The following ZPBP variants were observed in gnomAD, a reference collection of about 807,000 sequenced individuals.
ZPBP encodes the protein zona pellucida-binding protein 1.
ZPBP carries 26 observed loss-of-function variants against 44.8 expected under a neutral mutation model. That is an observed-to-expected ratio of 0.58 (90% confidence interval 0.43 to 0.81). The LOEUF is 0.81. Ranked by LOEUF, ZPBP falls within the 30% of genes least tolerant of loss-of-function variation. The probability of loss-of-function intolerance (pLI) is 0.00; values close to 1 mark genes in which losing one functional copy is unlikely to be tolerated. For missense variants in ZPBP, 409 were observed against 434.0 expected, an observed-to-expected ratio of 0.94 and a Z score of 0.51; for synonymous variants, 174 against 153.2, an observed-to-expected ratio of 1.14 and a Z score of -1.00.
intron 6 of ZPBP, among the ~76,000 whole-genome samples, chr7:50,010,526 A>T (rs1253102028): frequency 6.6e-6 from 1 of 152,162 alleles, no homozygotes; most frequent in Non-Finnish European, 1.5e-5. Context: ...AATCCAATGT[A>T]CACAAATCAG....
chr7:50,050,583 C>A (rs1218756410), intron 4 of ZPBP, among the ~76,000 whole-genome samples: 1 of 151,754 alleles, frequency 6.6e-6, no homozygotes, highest in Non-Finnish European at 1.5e-5. Flanking sequence ...CAACCTTAAA[C>A]CAAGCCTCAG....
intron 7 of ZPBP, among the ~76,000 whole-genome samples, chr7:49,951,555 T>TA (rs1562796474): frequency 7.9e-5 from 12 of 151,352 alleles, no homozygotes; most frequent in African/African-American, 2.9e-4. Context: ...TTTTTTTTTT[T>TA]TAAAAAGGAA....
At chr7:49,885,493 T>G (rs1466657698) in intron 2 of ZPBP, among the ~76,000 whole-genome samples, 1 of 151,660 alleles carries the variant, frequency 6.6e-6, no homozygotes, top group Admixed American at 6.6e-5. Flanking sequence ...AATTACATTC[T>G]GAAAAGGTAA....
rs977639034 is a variant in ZPBP, at chr7:50,093,139, G to T, written c.56C>A (p.Ala19Asp). 9 of 1,553,070 alleles carry T rather than the reference G, an allele frequency of 5.8e-6. No individual in the cohort carries two copies. Among genetic ancestry groups the T allele is most frequent in the Non-Finnish European group, 6.9e-6 (8 of 1,151,194 alleles). Residue 19 changes from alanine to aspartate, a missense_variant, in exon 1 of 8, where the codon GCC becomes GAC. Around this residue, in one of 2 missense-constraint regions of ZPBP, gnomAD observed 367 missense variants for 363.1 expected, o/e 1.01. Coordinates refer to ENST00000046087, the MANE Select transcript of ZPBP (RefSeq NM_007009.3). ...ARRGRRRTRA[A>D]GSLLSRAAIL... is the part of the protein sequence containing the mutation. ...GGCGGCCCGAGAGAGCAGGGAGCCG[G>T]CGGCCCGGGTCCGCCGCCTGCCCCG...
At position 50,031,215 on chromosome 7, in the gene ZPBP, G is replaced by A. The variant is rs1799591885; in HGVS notation, c.583C>T (p.Leu195Phe). ...IYNISFEKKL[L>F]QILSKLLLDL... The stretch of plus-strand genomic sequence containing the variant: ...AGAAGCAGTTTGCTTAAAATCTGAA[G>A]AAGTTTCTTCTCAAAAGAAATATTA... Residue 195 changes from leucine to phenylalanine, a missense_variant, in exon 5 of 8, where the codon CTT (leucine) becomes TTT (phenylalanine). Transcript: ENST00000046087. 6.2e-7 allele frequency: 1 copy of A among 1,613,278 alleles called. No individual in the cohort carries two copies. The highest frequency in any genetic ancestry group is 8.5e-7 in the Non-Finnish European group (1 of 1,179,804).
chr7:50,025,151 TAA>T (rs1268219364), intron 5 of ZPBP, among the ~76,000 whole-genome samples: 1 of 151,680 alleles, frequency 6.6e-6, no homozygotes, highest in African/African-American at 2.4e-5. Context: ...TCTAAGTAAA[TAA>T]AAAGATATTC....
chr7:49,895,189 C>T (rs546312254), intron 2 of ZPBP, among the ~76,000 whole-genome samples: 3 of 152,218 alleles, frequency 2.0e-5, no homozygotes, highest in Admixed American at 6.5e-5. Flanking sequence ...GCCATGGTAG[C>T]GTCCTCACAC....
In ZPBP at chr7:49,905,595, C is replaced by T. The variant is rs115144231; in HGVS notation, n.412-4380G>A. 3.2e-3 allele frequency among the ~76,000 whole-genome samples: 480 copies of T among 152,176 alleles called. 2 individuals carry two copies. The highest frequency in any genetic ancestry group is 0.01 in the African/African-American group (435 of 41,528). On this transcript the variant is annotated intron_variant and non_coding_transcript_variant, in intron 1 of 2. Coordinates refer to the ZPBP transcript ENST00000465922. ...TTGTACTTTGTGTGTTTGTAAACTA[C>T]AATACAATAGAAAACTCTACAATGA...
At chr7:49,937,829 T>G (rs542472489) in intron 7 of ZPBP, among the ~76,000 whole-genome samples, 15 of 152,200 alleles carry the variant, frequency 9.9e-5, no homozygotes, top group Non-Finnish European at 7.3e-5. Flanking sequence ...ACCACCATTC[T>G]ACCTTTGGTT....
At chr7:49,876,090 A>G (rs1791404603) in intron 2 of ZPBP, among the ~76,000 whole-genome samples, 1 of 152,176 alleles carries the variant, frequency 6.6e-6, no homozygotes, top group Admixed American at 6.5e-5. Flanking sequence ...TGAAGTTTGT[A>G]CTTCTGGAAG....
intron 4 of ZPBP, among the ~76,000 whole-genome samples, chr7:50,033,177 T>C (rs2128812814): frequency 6.6e-6 from 1 of 152,304 alleles, no homozygotes; most frequent in Non-Finnish European, 1.5e-5. Context: ...ACATTTGCCT[T>C]TCTCTCTGAT....
chr7:49,842,038 T>C, the ZPBP span, among the ~76,000 whole-genome samples: 1 of 152,152 alleles, frequency 6.6e-6, no homozygotes, highest in Admixed American at 6.5e-5. Context: ...AGCTAACTTT[T>C]TGTATTTTTA....
intron 3 of ZPBP, among the ~76,000 whole-genome samples, chr7:50,080,874 T>C (rs1287434016): frequency 6.6e-6 from 1 of 151,592 alleles, no homozygotes; most frequent in Non-Finnish European, 1.5e-5. Flanking sequence ...GATCTTTCTA[T>C]CCCCCATAAA....
intron 2 of ZPBP, among the ~76,000 whole-genome samples, chr7:49,896,769 T>C (rs1008918517): frequency 6.6e-6 from 1 of 151,726 alleles, no homozygotes; most frequent in Non-Finnish European, 1.5e-5. Context: ...TCTATGCACA[T>C]AAATTTAACA....
chr7:49,877,291 G>A (rs1583733800), intron 2 of ZPBP, among the ~76,000 whole-genome samples: 2 of 150,396 alleles, frequency 1.3e-5, no homozygotes, highest in East Asian at 4.0e-4. Context: ...GGGGAGCCCC[G>A]TGTCTACTAA....
Position 50,031,301 on chromosome 7 carries a change from T to C in ZPBP, c.497A>G (p.Glu166Gly), listed in dbSNP as rs1457416547. The C allele has an allele frequency of 6.2e-7, 1 of 1,609,560 alleles. No homozygotes were observed. Among genetic ancestry groups the C allele is most frequent in the South Asian group, 1.1e-5 (1 of 90,272 alleles). The stretch of plus-strand genomic sequence containing the variant: ...TGTGAACTGATAATAATAATGAGGC[T>C]CACGATAAGCTGTAAAAAATTAACA... ...QLKYAIYAYR[E>G]PHYYYQFTAR... is the part of the protein sequence containing the mutation. Residue 166 changes from glutamate (E) to glycine (G), a missense_variant, in exon 5 of 8, where the codon GAG (glutamate) becomes GGG (glycine). Physicochemically the swap from Glu to Gly is moderately conservative, Grantham distance 98 (BLOSUM62 -2). Around this residue, in one of 2 missense-constraint regions of ZPBP, gnomAD observed 367 missense variants for 363.1 expected, o/e 1.01. Coordinates refer to ENST00000046087, the MANE Select transcript of ZPBP (RefSeq NM_007009.3).
At chr7:49,940,058 C>T (rs928241450) in intron 7 of ZPBP, among the ~76,000 whole-genome samples, 1 of 152,126 alleles carries the variant, frequency 6.6e-6, no homozygotes, top group Non-Finnish European at 1.5e-5. Context: ...CAACAGGAAC[C>T]GAACAAGTTT....
Position 50,058,190 on chromosome 7 carries a change from G to C in ZPBP, c.335-49C>G, listed in dbSNP as rs770057055. ...GAGTTGCTTAAATTACATGAGACAAGTACCAAAACATTTTCTCAGCAAGGT... is the reference window on the plus strand; with the variant it reads ...GAGTTGCTTAAATTACATGAGACAACTACCAAAACATTTTCTCAGCAAGGT... On this transcript the variant is annotated intron_variant, in intron 3 of 7. Transcript: ENST00000046087. The C allele has an allele frequency of 1.9e-6, 3 of 1,586,186 alleles. No homozygotes were observed. The Admixed American group carries it at 5.0e-5, about 26-fold the overall frequency.
At chr7:49,982,201 TTA>T (rs1335205644) in intron 7 of ZPBP, among the ~76,000 whole-genome samples, 956 of 27,376 alleles carry the variant, frequency 0.035, 207 homozygotes, top group African/African-American at 0.1. Flanking sequence ...TATATATTTA[TTA>T]TATATATATA....
Sources: allele counts gnomAD v4.1 joint callset (sites outside exome capture counted in the v4.1 genomes callset), GRCh38; gene constraint gnomAD v4.1.1; regional missense constraint gnomAD v4.1.1; transcripts MANE v1.5; gene names NCBI Gene and HGNC (gene_info 2026-07-23, HGNC 2026-07-21).